DMBT1: variants seen among roughly 807,000 people sequenced by gnomAD.
DMBT1 encodes the protein deleted in malignant brain tumors 1, also known as scavenger receptor cysteine-rich domain-containing protein DMBT1.
A neutral mutation model predicts 252.9 loss-of-function variants in DMBT1; 198 were observed. That is an observed-to-expected ratio of 0.78 (90% CI 0.70 to 0.88). The LOEUF (loss-of-function observed/expected upper bound fraction) is 0.88. DMBT1 is among the 40% of genes least tolerant of loss of function. The pLI, the probability that DMBT1 is intolerant of heterozygous loss-of-function variation, is 0.00. For synonymous variants in DMBT1, 990 were observed against 942.7 expected (o/e 1.05, Z -0.92); for missense variants, 2,432 against 2,404.7 (o/e 1.01, Z -0.24).
At chr10:122,591,370 C>G in intron 18 of DMBT1, 109 bp from the exon 19 acceptor site, 1 of 1,278,356 alleles carries the variant, frequency 7.8e-7, no homozygotes, top group Non-Finnish European at 1.1e-6. Flanking sequence ...GTGGCAGGAA[C>G]TAGAAATGGA....
In DMBT1 at chr10:122,621,361, C is replaced by A; in HGVS notation, c.5589C>A (p.Asp1863Glu). Residue 1863 changes from aspartate to glutamate, a missense_variant, in exon 44 of 56, where the codon GAC (aspartate) becomes GAA (glutamate). This residue lies in a region of DMBT1 where 1,162 missense variants were observed against 1,169.0 expected (regional missense o/e 0.99). Coordinates refer to ENST00000338354, the MANE Select transcript of DMBT1 (RefSeq NM_001377530.1). ...WLTHNCGHHE[D>E]AGVICSATQI... ...CCCACAACTGTGGCCATCACGAAGACGCTGGTGTCATCTGCTCAGGTGGGC... is the reference window on the plus strand; with the variant it reads ...CCCACAACTGTGGCCATCACGAAGAAGCTGGTGTCATCTGCTCAGGTGGGC... 1 of 1,613,858 alleles carries A rather than the reference C, an allele frequency of 6.2e-7. No individual in the cohort carries two copies. Among genetic ancestry groups the A allele is most frequent in the East Asian group, 2.2e-5 (1 of 44,884 alleles).
rs368472779 is a variant in DMBT1, at chr10:122,625,298, C to T, written c.5630C>T (p.Thr1877Met). ...ICSATQINST[T>M]TDWWHPTTTT... ...GCAGCCACCCAAATAAATTCTACTACGACAGGTGAGTCTGCTACACCCCAG... is the reference window on the plus strand; with the variant it reads ...GCAGCCACCCAAATAAATTCTACTATGACAGGTGAGTCTGCTACACCCCAG... The change falls in exon 45 of 56, where the codon ACG becomes ATG. Residue 1877 changes from threonine (T) to methionine (M), a missense_variant. Transcript: ENST00000338354. 6.8e-5 allele frequency: 109 copies of T among 1,610,830 alleles called. 1 individual carries two copies. Among genetic ancestry groups the T allele is most frequent in the Admixed American group, 2.3e-4 (14 of 59,754 alleles).
At chr10:122,562,709 T>A (rs530807720) in intron 1 of DMBT1, among the ~76,000 whole-genome samples, 71 of 152,332 alleles carry the variant, frequency 4.7e-4, no homozygotes, top group African/African-American at 1.6e-3. Context: ...TTGCCCATGA[T>A]GTTATGTGCA....
In DMBT1 at chr10:122,576,948, C is replaced by T. The variant is rs188851560; in HGVS notation, c.607+226C>T. On this transcript the variant is annotated intron_variant, in intron 7 of 55. Transcript: ENST00000338354. ...AACAGGTTTCTCACTCCAGGGCCCC[C>T]GCCCAAGTCTTTCCTGGTTATCTGG... Among the ~76,000 whole-genome samples, 127 of 152,302 alleles carry T rather than the reference C, an allele frequency of 8.3e-4. 1 individual carries two copies. The East Asian group carries it at 0.019, about 23-fold the overall frequency.
intron 9 of DMBT1, 145 bp downstream of exon 9, chr10:122,578,904 G>T: frequency 1.3e-6 from 1 of 766,264 alleles, no homozygotes; most frequent in Non-Finnish European, 2.2e-6. Flanking sequence ...TAAACAGTTG[G>T]CTCAAGAGTC....
At chr10:122,626,371 G>A (rs928191640) in intron 46 of DMBT1, among the ~76,000 whole-genome samples, 2 of 151,976 alleles carry the variant, frequency 1.3e-5, no homozygotes, top group Non-Finnish European at 2.9e-5. Flanking sequence ...TCCCTGTATT[G>A]TATTCTATTA....
Position 122,621,178 on chromosome 10 carries a change from T to C in DMBT1, c.5406T>C (p.Asp1802=). The change falls in exon 44 of 56, where the codon GAT becomes GAC. Residue 1802 remains aspartate (D), a synonymous_variant. Coordinates refer to ENST00000338354, the MANE Select transcript of DMBT1 (RefSeq NM_001377530.1). Reference sequence around the variant, plus strand: ...GTGATGACAGCTGGGACACCAATGATGCCAATGTGGTCTGCAGGCAGCTGG... The same window carrying C: ...GTGATGACAGCTGGGACACCAATGACGCCAATGTGGTCTGCAGGCAGCTGG... ...TVCDDSWDTN[D]ANVVCRQLGC... 2 of 1,613,904 alleles carry C rather than the reference T, an allele frequency of 1.2e-6. No individual in the cohort carries two copies. The highest frequency in any genetic ancestry group is 1.7e-6 in the Non-Finnish European group (2 of 1,179,822).
chr10:122,585,102 C>CCTTGCTGAG (rs1296766352), intron 14 of DMBT1, among the ~76,000 whole-genome samples, 169 bp from the exon 15 acceptor site: 2 of 148,580 alleles, frequency 1.3e-5, no homozygotes, highest in African/African-American at 2.4e-5. Context: ...GGCTTATGTC[C>CCTTGCTGAG]CTTGCTGAGC....
intron 52 of DMBT1, among the ~76,000 whole-genome samples, chr10:122,634,302 A>C (rs2133682185): frequency 6.6e-6 from 1 of 151,976 alleles, no homozygotes; most frequent in South Asian, 2.1e-4. Flanking sequence ...ATAAGTAGAA[A>C]TCATCGTTTT....
intron 39 of DMBT1, among the ~76,000 whole-genome samples, 168 bp from the exon 40 acceptor site, chr10:122,617,060 A>G (rs879169403): frequency 6.8e-6 from 1 of 147,154 alleles, no homozygotes; most frequent in Non-Finnish European, 1.5e-5. Flanking sequence ...ACCTTTGTTC[A>G]TGGATGAGTT....
intron 20 of DMBT1, 67 bp from the exon 21 acceptor site, chr10:122,593,502 C>A: frequency 6.6e-7 from 1 of 1,509,852 alleles, no homozygotes; most frequent in South Asian, 1.2e-5. Context: ...TTCTTTCCCT[C>A]CTCGTTCCAG....
Position 122,637,152 on chromosome 10 carries a change from T to C in DMBT1, c.6782T>C (p.Met2261Thr). The C allele has an allele frequency of 6.2e-7, 1 of 1,613,978 alleles. No individual in the cohort carries two copies. Among genetic ancestry groups the C allele is most frequent in the Non-Finnish European group, 8.5e-7 (1 of 1,179,880 alleles). The change falls in exon 54 of 56, where the codon ATG (methionine) becomes ACG (threonine). Residue 2261 changes from methionine (M) to threonine (T), a missense_variant. Transcript: ENST00000338354. ...STNLLCLPNH[M>T]QASVSRSYLQ... ...GACCTGCTCTGTCTGCCAAATCACA[T>C]GCAAGCCAGTGTGAGCAGGAGCTAT...
chr10:122,626,353 AT>A (rs2098118824), intron 46 of DMBT1, among the ~76,000 whole-genome samples: 1 of 152,198 alleles, frequency 6.6e-6, no homozygotes, highest in South Asian at 2.1e-4. Context: ...TCTCACAATC[AT>A]TTTAAGTCCC....
chr10:122,593,607 C>G lies in DMBT1; in HGVS notation c.2530+9C>G. On this transcript the variant is annotated intron_variant, in intron 21 of 55. Coordinates refer to ENST00000338354, the MANE Select transcript of DMBT1 (RefSeq NM_001377530.1). ...GCCGACACCCAGTCCAGGTAGGTCC[C>G]CAGTGTCCTTCCTCAAAATGTCCCT... The G allele has an allele frequency of 4.4e-6, 7 of 1,586,540 alleles. No individual in the cohort carries two copies. The highest frequency in any genetic ancestry group is 6.0e-6 in the Non-Finnish European group (7 of 1,164,226).
Position 122,617,230 on chromosome 10 carries a change from A to G in DMBT1, c.4861A>G (p.Thr1621Ala). The part of the protein sequence containing the change: ...SQSQPTPSPD[T>A]WPTSRASTAG... ...TTTTTCTTTGTTGCTATTTACAGAC[A>G]CTTGGCCAACCTCTCGTGCATCAAC... Residue 1621 changes from threonine (T) to alanine (A), a missense_variant and splice_region_variant, in exon 40 of 56, where the codon ACT becomes GCT. Around this residue, in one of 3 missense-constraint regions of DMBT1, gnomAD observed 1,162 missense variants for 1,169.0 expected, o/e 0.99. Coordinates refer to ENST00000338354, the MANE Select transcript of DMBT1 (RefSeq NM_001377530.1). 1 of 1,609,694 alleles carries G rather than the reference A, an allele frequency of 6.2e-7. No individual in the cohort carries two copies. The highest frequency in any genetic ancestry group is 8.5e-7 in the Non-Finnish European group (1 of 1,178,892).
intron 27 of DMBT1, among the ~76,000 whole-genome samples, chr10:122,600,582 G>A (rs974802921): frequency 7.9e-5 from 12 of 152,154 alleles, no homozygotes; most frequent in African/African-American, 2.9e-4. Flanking sequence ...GGATAATAAA[G>A]GTTTGTGATG....
chr10:122,589,324 A>G lies in DMBT1; in HGVS notation c.2107+57A>G, dbSNP rs1419422841. On this transcript the variant is annotated intron_variant, in intron 17 of 55. Coordinates refer to ENST00000338354, the MANE Select transcript of DMBT1 (RefSeq NM_001377530.1). ...TGGGGTAGATTTTGCCCAGGAAGAG[A>G]GGTCTTATGTTCTAATCTCCTCACT... 11 of 1,582,472 alleles carry G rather than the reference A, an allele frequency of 7.0e-6. 1 individual carries two copies. The African/African-American group carries it at 8.1e-5, about 12-fold the overall frequency.
At chr10:122,600,855 A>T in intron 27 of DMBT1, 136 bp from the exon 28 acceptor site, 1 of 1,004,738 alleles carries the variant, frequency 1.0e-6, no homozygotes, top group Non-Finnish European at 1.6e-6. Context: ...GAGACCTGGG[A>T]AGACACATGG....
chr10:122,600,533 T>C (rs905838351), intron 27 of DMBT1, among the ~76,000 whole-genome samples: 4 of 152,208 alleles, frequency 2.6e-5, no homozygotes, highest in Non-Finnish European at 5.9e-5. Context: ...GCCACATTTG[T>C]ATCCAGAAAA....
Sources: gnomAD v4.1 joint callset for allele counts (sites outside exome capture counted in the v4.1 genomes callset) on GRCh38, gnomAD v4.1.1 for gene constraint, gnomAD v4.1.1 regional missense constraint, MANE v1.5 for transcripts, NCBI Gene and HGNC (gene_info 2026-07-23, HGNC 2026-07-21) for gene names.